Variants in FBXO16 observed in about 807,000 individuals in gnomAD.
The protein encoded by FBXO16 is F-box protein 16, also known as F-box only protein 16.
A neutral mutation model predicts 41.0 loss-of-function variants in FBXO16; 31 were observed. That is an observed-to-expected ratio of 0.76 (90% CI 0.57 to 1.02). The LOEUF (loss-of-function observed/expected upper bound fraction) is 1.02, where lower values mean the gene tolerates loss of function less well. Ranked by LOEUF, FBXO16 falls within the 50% of genes least tolerant of loss-of-function variation. The probability of loss-of-function intolerance (pLI) is 0.00; values close to 1 mark genes in which losing one functional copy is unlikely to be tolerated. For synonymous variants in FBXO16, 133 were observed against 117.8 expected, an observed-to-expected ratio of 1.13 and a Z score of -0.84; for missense variants, 361 against 346.2, an observed-to-expected ratio of 1.04 and a Z score of -0.34.
intron 2 of FBXO16, among the ~76,000 whole-genome samples, chr8:28,474,451 T>C (rs1171997738): frequency 1.4e-5 from 2 of 148,098 alleles, no homozygotes; most frequent in Admixed American, 1.4e-4. Flanking sequence ...TAAAGAGAAA[T>C]CAATTTTAGA....
At chr8:28,434,812 G>A (rs1352051448) in intron 7 of FBXO16, among the ~76,000 whole-genome samples, 3 of 152,190 alleles carry the variant, frequency 2.0e-5, no homozygotes, top group Non-Finnish European at 2.9e-5. Flanking sequence ...CCAGTCGGCC[G>A]CTCTAAGCTC....
chr8:28,440,810 T>A (rs1360437426), intron 7 of FBXO16, among the ~76,000 whole-genome samples: 2 of 152,188 alleles, frequency 1.3e-5, no homozygotes, highest in Non-Finnish European at 1.5e-5. Flanking sequence ...TTGAAATCCA[T>A]GGCTGAACCA....
At chr8:28,487,774 T>G (rs1166518008) in intron 1 of FBXO16, among the ~76,000 whole-genome samples, 1 of 152,124 alleles carries the variant, frequency 6.6e-6, no homozygotes, top group African/African-American at 2.4e-5. Context: ...TCATCCCTCC[T>G]TCCACAGATG....
chr8:28,460,250 T>A lies in FBXO16; in HGVS notation c.343-3320A>T, dbSNP rs1326956422. Among the ~76,000 whole-genome samples, 562 of 121,002 alleles carry A rather than the reference T, an allele frequency of 4.6e-3. 1 individual carries two copies. Among genetic ancestry groups the A allele is most frequent in the East Asian group, 0.012 (48 of 3,930 alleles). The allele number at this position is 121,002 out of a possible 152,430, so 79.4% of individuals were successfully genotyped here. A position where few individuals can be genotyped will look rare whatever the true frequency, so the allele number is the denominator to read the frequency against. On this transcript the variant is annotated intron_variant, in intron 4 of 8. Transcript: ENST00000380254. ...GTATATATATATATATATATATTTT[T>A]TTTTTTTTTTTTTTTTGAGACAAAG... is the stretch of plus-strand genomic sequence containing the variant.
chr8:28,481,193 C>T (rs1487906405), intron 2 of FBXO16, among the ~76,000 whole-genome samples: 2 of 152,112 alleles, frequency 1.3e-5, no homozygotes, highest in Non-Finnish European at 2.9e-5. Context: ...GGAGTGGAGT[C>T]TATTATTGGT....
At chr8:28,441,906 ATATATGTGTGTGTGTGTG>A (rs1563358729) in intron 7 of FBXO16, among the ~76,000 whole-genome samples, 12 of 139,462 alleles carry the variant, frequency 8.6e-5, no homozygotes, top group African/African-American at 3.1e-4. Context: ...CAGTGTATAT[ATATATGTGTGTGTGTGTG>A]TGTGTGTGTG....
At chr8:28,434,988 G>A (rs1340079842) in intron 7 of FBXO16, among the ~76,000 whole-genome samples, 3 of 152,174 alleles carry the variant, frequency 2.0e-5, no homozygotes, top group African/African-American at 7.2e-5. Context: ...CCCAATGGAC[G>A]GCAGCATGTT....
Position 28,428,728 on chromosome 8 carries a change from T to A in FBXO16, c.878A>T (p.Ter293LeuextTer6). 1 of 1,547,260 alleles carries A rather than the reference T, an allele frequency of 6.5e-7. No homozygotes were observed. Among genetic ancestry groups the A allele is most frequent in the South Asian group, 1.2e-5 (1 of 80,186 alleles). ...GAACTTTTAGGGGAGAGCTGGCACT[T>A]AGGGACATCTAGAAAGGAAAAAGGA... ...SRRNPFPLCP[*>L] The change falls in exon 9 of 9, where the codon TAA becomes TTA. Residue 293 changes from the stop codon to leucine (L), a stop_lost. Coordinates refer to ENST00000380254, the MANE Select transcript of FBXO16 (RefSeq NM_172366.4).
rs1391146139 is a variant in FBXO16 at position 28,462,274 on chromosome 8, CTTCT to C, written c.342+1334_342+1337del. Among the ~76,000 whole-genome samples the C allele has an allele frequency of 2.0e-4, 27 of 135,766 alleles. No homozygotes were observed. The East Asian group carries it at 4.4e-3, about 22-fold the overall frequency. 89.1% of individuals were successfully genotyped at this position (135,766 alleles called of 152,430 possible). A position where few individuals can be genotyped will look rare whatever the true frequency, so the allele number is the denominator to read the frequency against. On this transcript the variant is annotated intron_variant, in intron 4 of 8. Coordinates refer to ENST00000380254, the MANE Select transcript of FBXO16 (RefSeq NM_172366.4). ...CTCCTGCATTCATTTTCTTCTTCTT[CTTCT>C]TTTTTTTTTTTTTTTTCTGAGACGG...
At chr8:28,437,345 A>G (rs1316280668) in intron 7 of FBXO16, among the ~76,000 whole-genome samples, 1 of 152,240 alleles carries the variant, frequency 6.6e-6, no homozygotes, top group East Asian at 1.9e-4. Context: ...CACAACAAGT[A>G]AACTCGGCTC....
intron 7 of FBXO16, among the ~76,000 whole-genome samples, chr8:28,443,507 C>T (rs1802812254): frequency 1.3e-5 from 2 of 152,134 alleles, no homozygotes; most frequent in African/African-American, 4.8e-5. Context: ...AGGTGCTCCC[C>T]TAAGTTTGTC....
intron 6 of FBXO16, chr8:28,447,508 C>T (rs1802883838): frequency 6.4e-6 from 3 of 469,832 alleles, no homozygotes; most frequent in South Asian, 4.8e-5. Flanking sequence ...CTATATTCAA[C>T]TGTGGAAGGA....
chr8:28,454,091 C>G (rs1802997736), intron 5 of FBXO16, among the ~76,000 whole-genome samples: 1 of 151,728 alleles, frequency 6.6e-6, no homozygotes, highest in South Asian at 2.1e-4. Context: ...ACTTGAACTC[C>G]GGAGGCAGAG....
chr8:28,482,656 C>T (rs1385360816), intron 2 of FBXO16, among the ~76,000 whole-genome samples: 6 of 152,038 alleles, frequency 3.9e-5, no homozygotes, highest in African/African-American at 7.2e-5. Flanking sequence ...CTGCAACCTC[C>T]GCCTCCTGGG....
intron 2 of FBXO16, among the ~76,000 whole-genome samples, chr8:28,474,985 T>C (rs972206123): frequency 6.6e-6 from 1 of 151,846 alleles, no homozygotes; most frequent in Admixed American, 6.6e-5. Flanking sequence ...GAGAAGGGGG[T>C]TATTAAGAGA....
intron 5 of FBXO16, among the ~76,000 whole-genome samples, chr8:28,454,934 T>C (rs1585903653): frequency 6.6e-6 from 1 of 152,030 alleles, no homozygotes; most frequent in African/African-American, 2.4e-5. Flanking sequence ...TGTTTGGATA[T>C]ATTGAAGTGA....
intron 1 of FBXO16, among the ~76,000 whole-genome samples, chr8:28,489,485 T>G (rs1803653952): frequency 7.1e-6 from 1 of 140,338 alleles, no homozygotes; most frequent in East Asian, 2.1e-4. Flanking sequence ...GCCCAGGAAT[T>G]CCAGACCAGC....
intron 4 of FBXO16, among the ~76,000 whole-genome samples, chr8:28,459,631 ATAATAAT>A (rs1563364295): frequency 3.0e-5 from 4 of 134,316 alleles, no homozygotes; most frequent in African/African-American, 1.1e-4. Flanking sequence ...AAAAATAATA[ATAATAAT>A]AATAATAATA....
Position 28,464,795 on chromosome 8 carries a change from A to C in FBXO16, c.136-977T>G, listed in dbSNP as rs552715180. ...CAGCCTCCCGAGTAGCTGGGATTAC[A>C]GGCACGCGCCACCGCACCTGGCTAA... On this transcript the variant is annotated intron_variant, in intron 3 of 8. Coordinates refer to ENST00000380254, the MANE Select transcript of FBXO16 (RefSeq NM_172366.4). 2.6e-5 allele frequency among the ~76,000 whole-genome samples: 4 copies of C among 152,218 alleles called. No individual in the cohort carries two copies. In the South Asian group the frequency reaches 8.3e-4, roughly 32 times the overall value.
Sources: allele counts gnomAD v4.1 joint callset (sites outside exome capture counted in the v4.1 genomes callset), GRCh38; gene constraint gnomAD v4.1.1; transcripts MANE v1.5; gene names NCBI Gene and HGNC (gene_info 2026-07-23, HGNC 2026-07-21).